The following PKN2 variants were observed in gnomAD, a reference collection of about 807,000 sequenced individuals.
The protein encoded by PKN2 is protein kinase N2, also known as serine/threonine-protein kinase N2.
Under a neutral mutation model 119.1 loss-of-function variants are expected in PKN2, and 38 were observed. That is an observed-to-expected ratio of 0.32 (90% CI 0.25 to 0.42). The LOEUF (loss-of-function observed/expected upper bound fraction) is 0.42, where lower values mean the gene tolerates loss of function less well. Ranked by LOEUF, PKN2 falls within the 10% of genes least tolerant of loss-of-function variation. PKN2 has a pLI of 1.00. For synonymous variants in PKN2, 390 were observed against 384.9 expected (o/e 1.01, Z -0.15); for missense variants, 850 against 1,165.1 (o/e 0.73, Z 3.94).
chr1:88,745,142 C>G (rs1199479721), intron 2 of PKN2, among the ~76,000 whole-genome samples: 1 of 152,124 alleles, frequency 6.6e-6, no homozygotes, highest in Non-Finnish European at 1.5e-5. Flanking sequence ...ATATGACAGG[C>G]CCACAACTAA....
chr1:88,740,548 T>A (rs1359660998), intron 1 of PKN2, among the ~76,000 whole-genome samples: 2 of 152,098 alleles, frequency 1.3e-5, no homozygotes, highest in African/African-American at 4.8e-5. Context: ...TTTACAATAT[T>A]TGTGAATTAT....
intron 1 of PKN2, among the ~76,000 whole-genome samples, chr1:88,692,701 T>A (rs1666379598): frequency 6.6e-6 from 1 of 152,216 alleles, no homozygotes; most frequent in African/African-American, 2.4e-5. Context: ...TGCCTATTTT[T>A]GTTTTTCTTA....
intron 19 of PKN2, chr1:88,828,966 C>T: frequency 1.6e-6 from 1 of 636,838 alleles, no homozygotes; most frequent in Non-Finnish European, 3.0e-6. Flanking sequence ...GAAAAGCCCA[C>T]TATAGATTGG....
At chr1:88,816,014 C>T (rs1671974323) in intron 16 of PKN2, among the ~76,000 whole-genome samples, 1 of 151,844 alleles carries the variant, frequency 6.6e-6, no homozygotes, top group Non-Finnish European at 1.5e-5. Context: ...GTGGCAGGCG[C>T]CTGTAATCCC....
intron 6 of PKN2, among the ~76,000 whole-genome samples, chr1:88,778,967 C>A (rs1335925651): frequency 6.6e-6 from 1 of 152,204 alleles, no homozygotes; most frequent in Non-Finnish European, 1.5e-5. Context: ...TTGTGATCCG[C>A]CCGCCTTGGT....
chr1:88,783,106 TC>T (rs1266318165), intron 6 of PKN2, among the ~76,000 whole-genome samples: 1 of 152,246 alleles, frequency 6.6e-6, no homozygotes, highest in Non-Finnish European at 1.5e-5. Context: ...CAAACACTAT[TC>T]CTACCTATAT....
In PKN2 at chr1:88,824,392, C is replaced by G. The variant is rs369390544; in HGVS notation, c.2419+6C>G. On this transcript the variant is annotated splice_donor_region_variant and intron_variant, in intron 18 of 21. Transcript: ENST00000370521. Reference sequence around the variant, plus strand: ...TTTTGGTCTTTGCAAAGAAGGTAATCGAATGTTTTTAAGTTTCTTTTCTGA... The same window carrying G: ...TTTTGGTCTTTGCAAAGAAGGTAATGGAATGTTTTTAAGTTTCTTTTCTGA... 6.6e-7 allele frequency: 1 copy of G among 1,519,368 alleles called. No individual in the cohort carries two copies. The highest frequency in any genetic ancestry group is 9.1e-7 in the Non-Finnish European group (1 of 1,095,644). 94.1% of individuals were successfully genotyped at this position (1,519,368 alleles called of 1,614,324 possible). A position where few individuals can be genotyped will look rare whatever the true frequency, so the allele number is the denominator to read the frequency against.
At chr1:88,833,016 CT>C in intron 20 of PKN2, 60 bp from the exon 21 acceptor site, 1 of 1,438,422 alleles carries the variant, frequency 7.0e-7, no homozygotes, top group Non-Finnish European at 9.5e-7. Context: ...AGTAATAATC[CT>C]TATCAGTGAA....
At chr1:88,701,806 G>T (rs954672073) in intron 1 of PKN2, among the ~76,000 whole-genome samples, 1 of 152,166 alleles carries the variant, frequency 6.6e-6, no homozygotes, top group Non-Finnish European at 1.5e-5. Context: ...TACTATATCA[G>T]AAGTACTTAT....
At chr1:88,790,576 G>A (rs146584510) in intron 8 of PKN2, among the ~76,000 whole-genome samples, 1 of 152,120 alleles carries the variant, frequency 6.6e-6, no homozygotes, top group Admixed American at 6.5e-5. Flanking sequence ...TGTTAGATCT[G>A]CTAGATCTCT....
intron 11 of PKN2, 59 bp from the exon 12 acceptor site, chr1:88,805,832 G>A (rs1001696889): frequency 1.9e-6 from 3 of 1,608,914 alleles, no homozygotes; most frequent in Non-Finnish European, 2.5e-6. Context: ...TAATTTTAAA[G>A]CTGTTTAAAA....
At chr1:88,782,815 C>A (rs1026405999) in intron 6 of PKN2, among the ~76,000 whole-genome samples, 1 of 152,150 alleles carries the variant, frequency 6.6e-6, no homozygotes, top group Non-Finnish European at 1.5e-5. Context: ...CCATAGAAAG[C>A]AAATACACCT....
chr1:88,831,922 G>A (rs936989910), intron 19 of PKN2, among the ~76,000 whole-genome samples: 1 of 151,906 alleles, frequency 6.6e-6, no homozygotes, highest in Non-Finnish European at 1.5e-5. Context: ...TGATAGACAC[G>A]TTTTTAGCAT....
At chr1:88,763,274 C>T (rs942973590) in intron 3 of PKN2, among the ~76,000 whole-genome samples, 4 of 152,174 alleles carry the variant, frequency 2.6e-5, no homozygotes, top group Non-Finnish European at 5.9e-5. Flanking sequence ...AGCTCCTTTT[C>T]GCAGGGAAAA....
chr1:88,800,706 G>C (rs1278354225), intron 8 of PKN2, among the ~76,000 whole-genome samples: 1 of 152,202 alleles, frequency 6.6e-6, no homozygotes, highest in Non-Finnish European at 1.5e-5. Flanking sequence ...TATGATAGAT[G>C]TGTACTGTTC....
intron 1 of PKN2, among the ~76,000 whole-genome samples, chr1:88,688,150 A>G (rs1161435303): frequency 6.6e-6 from 1 of 151,098 alleles, no homozygotes; most frequent in Admixed American, 6.6e-5. Flanking sequence ...CAGTGGTGTG[A>G]TCTCTGCTCA....
chr1:88,778,756 C>T (rs1670208194), intron 6 of PKN2, among the ~76,000 whole-genome samples: 1 of 152,010 alleles, frequency 6.6e-6, no homozygotes, highest in Admixed American at 6.6e-5. Context: ...CTCTGTTGCC[C>T]AGGCTGGAGT....
At chr1:88,684,657 C>A in intron 1 of PKN2, 29 bp downstream of exon 1, 5 of 1,502,128 alleles carry the variant, frequency 3.3e-6, no homozygotes, top group Non-Finnish European at 4.4e-6. Flanking sequence ...GTGAGAGGCG[C>A]TGGCGGAGGA....
chr1:88,769,167 T>C (rs1458670939), intron 3 of PKN2, among the ~76,000 whole-genome samples: 1 of 152,220 alleles, frequency 6.6e-6, no homozygotes, highest in Non-Finnish European at 1.5e-5. Flanking sequence ...ATCCAAACCA[T>C]ATCAGGCATT....
Sources: gnomAD v4.1 joint callset for allele counts (sites outside exome capture counted in the v4.1 genomes callset) on GRCh38, gnomAD v4.1.1 for gene constraint, MANE v1.5 for transcripts, NCBI Gene and HGNC (gene_info 2026-07-23, HGNC 2026-07-21) for gene names.